The following CALN1 variants were observed in gnomAD, a reference collection of about 807,000 sequenced individuals.
The protein encoded by CALN1 is calneuron 1.
Under a neutral mutation model 30.6 loss-of-function variants are expected in CALN1, and 17 were observed. That is an observed-to-expected ratio of 0.56 (90% confidence interval 0.38 to 0.83). The LOEUF is 0.83. CALN1 is among the 40% of genes least tolerant of loss of function. The pLI is 0.00. For missense variants in CALN1, 291 were observed against 354.9 expected (o/e 0.82, Z 1.45); for synonymous variants, 156 against 131.4 (o/e 1.19, Z -1.28).
At chr7:72,136,419 C>G (rs1809518450) in intron 3 of CALN1, among the ~76,000 whole-genome samples, 1 of 152,168 alleles carries the variant, frequency 6.6e-6, no homozygotes, top group African/African-American at 2.4e-5. Flanking sequence ...GAGTTGGGGC[C>G]TTGCTCACTC....
At chr7:72,339,051 A>C (rs190792485) in intron 2 of CALN1, among the ~76,000 whole-genome samples, 7 of 151,436 alleles carry the variant, frequency 4.6e-5, no homozygotes, top group African/African-American at 1.7e-4. Context: ...AGATCCCATA[A>C]ATAAGTGAAA....
intron 5 of CALN1, among the ~76,000 whole-genome samples, chr7:71,963,300 T>C (rs557964638): frequency 2.9e-4 from 44 of 152,150 alleles, no homozygotes; most frequent in Middle Eastern, 3.4e-3. Flanking sequence ...GTAGCTGGGA[T>C]TACAGGTGCA....
intron 6 of CALN1, among the ~76,000 whole-genome samples, chr7:71,800,191 A>G (rs1309457718): frequency 6.6e-6 from 1 of 152,200 alleles, no homozygotes; most frequent in Non-Finnish European, 1.5e-5. Context: ...CTGACCTTCC[A>G]GTGAGCCCAG....
intron 6 of CALN1, among the ~76,000 whole-genome samples, chr7:71,795,729 G>C (rs1242086317): frequency 2.0e-5 from 3 of 151,364 alleles, no homozygotes; most frequent in African/African-American, 7.3e-5. Context: ...CGATCATACA[G>C]TAGGTGACCT....
At chr7:71,972,015 G>GAGAAAGAAA (rs1797866336) in intron 5 of CALN1, among the ~76,000 whole-genome samples, 1 of 136,492 alleles carries the variant, frequency 7.3e-6, no homozygotes, top group African/African-American at 2.7e-5. Flanking sequence ...AAAAAAGAAA[G>GAGAAAGAAA]AAAAGAAAGA....
intron 5 of CALN1, among the ~76,000 whole-genome samples, chr7:71,916,693 G>A (rs1794703725): frequency 6.6e-6 from 1 of 152,104 alleles, no homozygotes; most frequent in Admixed American, 6.6e-5. Flanking sequence ...AAAACATCAG[G>A]AAGAATAGCT....
intron 5 of CALN1, among the ~76,000 whole-genome samples, chr7:71,822,080 T>C (rs1326024409): frequency 6.6e-6 from 1 of 152,042 alleles, no homozygotes; most frequent in Non-Finnish European, 1.5e-5. Flanking sequence ...TTCTTTTGGT[T>C]TTTAAACTTT....
intron 2 of CALN1, among the ~76,000 whole-genome samples, chr7:72,284,085 G>C (rs1797911937): frequency 2.6e-5 from 4 of 152,286 alleles, no homozygotes; most frequent in Non-Finnish European, 4.4e-5. Context: ...GAGGCTAGGA[G>C]TTCAAGACCA....
intron 5 of CALN1, among the ~76,000 whole-genome samples, chr7:71,816,321 G>C (rs1788263051): frequency 6.6e-6 from 1 of 152,092 alleles, no homozygotes; most frequent in African/African-American, 2.4e-5. Context: ...CAGGAATTTT[G>C]ACATACACTC....
intron 2 of CALN1, among the ~76,000 whole-genome samples, chr7:72,291,169 C>G (rs1272528399): frequency 1.3e-5 from 2 of 152,150 alleles, no homozygotes; most frequent in Non-Finnish European, 2.9e-5. Flanking sequence ...GTGATCTGCC[C>G]ACCTTAGCAT....
At chr7:72,087,179 T>C (rs1293882035) in intron 4 of CALN1, among the ~76,000 whole-genome samples, 2 of 152,218 alleles carry the variant, frequency 1.3e-5, no homozygotes, top group African/African-American at 2.4e-5. Flanking sequence ...ACTATTGTTT[T>C]GATCTAAATG....
chr7:72,169,364 A>G (rs1028460796), intron 3 of CALN1, among the ~76,000 whole-genome samples: 2 of 152,086 alleles, frequency 1.3e-5, no homozygotes, highest in African/African-American at 4.8e-5. Context: ...CTGTCATCCA[A>G]GCTGGAGTAC....
At chr7:72,407,305 G>C (rs533001296) in intron 1 of CALN1, among the ~76,000 whole-genome samples, 6 of 152,280 alleles carry the variant, frequency 3.9e-5, no homozygotes, top group African/African-American at 1.4e-4. Context: ...AAAGTGTTAG[G>C]CACAGAGCAG....
intron 5 of CALN1, among the ~76,000 whole-genome samples, chr7:71,856,039 G>A (rs1228327606): frequency 1.3e-5 from 2 of 151,666 alleles, no homozygotes; most frequent in African/African-American, 4.8e-5. Context: ...TTTTGTATAT[G>A]TAGATATGTA....
At chr7:71,881,806 CT>C (rs879562805) in intron 5 of CALN1, among the ~76,000 whole-genome samples, 10 of 152,122 alleles carry the variant, frequency 6.6e-5, no homozygotes, top group African/African-American at 1.9e-4. Flanking sequence ...AGCACAGTGG[CT>C]CATGCCTGTA....
At chr7:71,962,160 A>C (rs1333734508) in intron 5 of CALN1, among the ~76,000 whole-genome samples, 1 of 152,200 alleles carries the variant, frequency 6.6e-6, no homozygotes, top group South Asian at 2.1e-4. Flanking sequence ...TGAGAGGCCA[A>C]GGCTGGAGGA....
At position 72,281,135 on chromosome 7, in the gene CALN1, TAA is replaced by T. The variant is rs757061611; in HGVS notation, c.120-2327_120-2326del. ...CTCCAGCCTGGGCAACAAGAGCGTCTAAAAAAAAAAAAAGATGAATTCAGCCC... is the reference window on the plus strand; with the variant it reads ...CTCCAGCCTGGGCAACAAGAGCGTCTAAAAAAAAAAAGATGAATTCAGCCC... On this transcript the variant is annotated intron_variant, in intron 2 of 6. Transcript: ENST00000395275. Among the ~76,000 whole-genome samples, 876 of 142,182 alleles carry T rather than the reference TAA, an allele frequency of 6.2e-3. 15 individuals are homozygous for T. The highest frequency in any genetic ancestry group is 0.021 in the African/African-American group (812 of 39,074). 93.3% of individuals were successfully genotyped at this position (142,182 alleles called of 152,430 possible). A position where few individuals can be genotyped will look rare whatever the true frequency, so the allele number is the denominator to read the frequency against.
chr7:71,861,226 T>C (rs947115508), intron 5 of CALN1, among the ~76,000 whole-genome samples: 3 of 152,054 alleles, frequency 2.0e-5, no homozygotes, highest in African/African-American at 7.2e-5. Flanking sequence ...AAGTATAAGC[T>C]GACCGATAAA....
rs148302214 is a variant in CALN1 at position 71,976,154 on chromosome 7, C to T, written c.501+47503G>A. 1.5e-3 allele frequency among the ~76,000 whole-genome samples: 222 copies of T among 152,054 alleles called. 4 individuals carry two copies. The East Asian group carries it at 0.032, about 22-fold the overall frequency. On this transcript the variant is annotated intron_variant, in intron 5 of 6. Transcript: ENST00000395275. The stretch of plus-strand genomic sequence containing the variant: ...ATTGACTTTATTTGAACAATGATTT[C>T]GGTCAAGAACCAAAGAACTTCAGAG...
Sources: gnomAD v4.1 joint callset for allele counts (sites outside exome capture counted in the v4.1 genomes callset) on GRCh38, gnomAD v4.1.1 for gene constraint, MANE v1.5 for transcripts, NCBI Gene and HGNC (gene_info 2026-07-23, HGNC 2026-07-21) for gene names.